The following ADAMTS17 variants were observed in gnomAD, a reference collection of about 807,000 sequenced individuals.
ADAMTS17 encodes ADAM metallopeptidase with thrombospondin type 1 motif 17.
A neutral mutation model predicts 141.5 loss-of-function variants in ADAMTS17; 113 were observed. That is an observed-to-expected ratio of 0.80 (90% CI 0.69 to 0.93). The LOEUF (loss-of-function observed/expected upper bound fraction) is 0.93, where lower values mean the gene tolerates loss of function less well. Ranked by LOEUF, ADAMTS17 falls within the 40% of genes least tolerant of loss-of-function variation. The pLI is 0.00. For synonymous variants in ADAMTS17, 768 were observed against 630.6 expected, an observed-to-expected ratio of 1.22 and a Z score of -3.27; for missense variants, 1,659 against 1,517.9, an observed-to-expected ratio of 1.09 and a Z score of -1.54.
chr15:100,140,519 C>T (rs937455752), intron 10 of ADAMTS17, among the ~76,000 whole-genome samples: 9 of 90,678 alleles, frequency 9.9e-5, no homozygotes, highest in African/African-American at 2.5e-4. Flanking sequence ...CCAGTAAAGA[C>T]GTGTGGAATG....
At chr15:100,131,749 A>T (rs1431139393) in intron 12 of ADAMTS17, among the ~76,000 whole-genome samples, 1 of 152,080 alleles carries the variant, frequency 6.6e-6, no homozygotes, top group East Asian at 1.9e-4. Context: ...AAACCTTTCC[A>T]CTGAGGCCCA....
chr15:100,058,949 G>A (rs974297833), intron 15 of ADAMTS17, among the ~76,000 whole-genome samples: 3 of 152,228 alleles, frequency 2.0e-5, no homozygotes, highest in Non-Finnish European at 2.9e-5. Flanking sequence ...GCGGCAGCCG[G>A]TTCTCTGGGG....
At chr15:100,005,974 C>T (rs1378858637) in intron 18 of ADAMTS17, among the ~76,000 whole-genome samples, 1 of 151,848 alleles carries the variant, frequency 6.6e-6, no homozygotes, top group African/African-American at 2.4e-5. Context: ...AGCCCCAGCC[C>T]CAGCCTGCAT....
At chr15:100,236,932 A>G (rs2042675967) in intron 7 of ADAMTS17, among the ~76,000 whole-genome samples, 1 of 151,996 alleles carries the variant, frequency 6.6e-6, no homozygotes. Flanking sequence ...ACAGGAGGGA[A>G]CTCTACGGCT....
intron 3 of ADAMTS17, among the ~76,000 whole-genome samples, chr15:100,314,487 G>C (rs2045500404): frequency 6.6e-6 from 1 of 152,152 alleles, no homozygotes; most frequent in South Asian, 2.1e-4. Context: ...ACGAAAGAGA[G>C]GGTTGAAAGA....
intron 8 of ADAMTS17, among the ~76,000 whole-genome samples, chr15:100,170,009 G>A (rs1394535257): frequency 6.6e-6 from 1 of 152,018 alleles, no homozygotes; most frequent in African/African-American, 2.4e-5. Flanking sequence ...CATAAGTACA[G>A]GTCCGAGACA....
intron 12 of ADAMTS17, among the ~76,000 whole-genome samples, chr15:100,127,839 C>T (rs889084812): frequency 7.9e-5 from 12 of 152,166 alleles, no homozygotes; most frequent in African/African-American, 2.4e-4. Context: ...GCCTCAGAAT[C>T]CCAAAGTGCT....
intron 15 of ADAMTS17, among the ~76,000 whole-genome samples, chr15:100,060,892 AC>A (rs1165032919): frequency 3.3e-5 from 5 of 152,222 alleles, no homozygotes; most frequent in African/African-American, 1.2e-4. Context: ...CTTCCAAAGC[AC>A]CCAGCCCCGA....
chr15:100,222,491 T>G (rs1164230525), intron 7 of ADAMTS17, among the ~76,000 whole-genome samples: 2 of 152,214 alleles, frequency 1.3e-5, no homozygotes, highest in Non-Finnish European at 2.9e-5. Context: ...AGTGCTGCAC[T>G]GGGAGAACAC....
At chr15:100,025,188 A>G (rs1567688511) in intron 18 of ADAMTS17, among the ~76,000 whole-genome samples, 1 of 152,170 alleles carries the variant, frequency 6.6e-6, no homozygotes, top group East Asian at 1.9e-4. Context: ...ATAAATTAAG[A>G]CTTTTAATGT....
intron 13 of ADAMTS17, among the ~76,000 whole-genome samples, chr15:100,110,614 TGTAA>T (rs1452829167): frequency 6.6e-6 from 1 of 152,182 alleles, no homozygotes; most frequent in Non-Finnish European, 1.5e-5. Context: ...TTTGTTCTTC[TGTAA>T]GTAATTGAGC....
intron 3 of ADAMTS17, among the ~76,000 whole-genome samples, chr15:100,292,357 C>T (rs193282110): frequency 5.3e-4 from 80 of 150,298 alleles, no homozygotes; most frequent in Admixed American, 1.9e-3. Context: ...ACACTCACCC[C>T]GTGTGAAATT....
intron 20 of ADAMTS17, chr15:99,979,901 C>T (rs1243474156): frequency 6.6e-6 from 1 of 152,248 alleles, no homozygotes; most frequent in African/African-American, 2.4e-5. Context: ...AGTCCACTTA[C>T]ATCACTAGAG....
At chr15:100,295,730 C>T (rs901583457) in intron 3 of ADAMTS17, among the ~76,000 whole-genome samples, 1 of 152,190 alleles carries the variant, frequency 6.6e-6, no homozygotes, top group Non-Finnish European at 1.5e-5. Flanking sequence ...ATAACCAATT[C>T]CCTGTGTTAA....
chr15:99,985,399 A>G (rs2060565161), intron 20 of ADAMTS17, among the ~76,000 whole-genome samples: 1 of 152,216 alleles, frequency 6.6e-6, no homozygotes, highest in African/African-American at 2.4e-5. Flanking sequence ...TGATGGTCAA[A>G]TATTCTTCAA....
At chr15:100,086,438 GAGAC>G (rs956087653) in intron 15 of ADAMTS17, among the ~76,000 whole-genome samples, 4 of 151,796 alleles carry the variant, frequency 2.6e-5, no homozygotes, top group African/African-American at 7.3e-5. Context: ...ACAGATCAAC[GAGAC>G]AGACAGTTAA....
chr15:100,030,926 G>T (rs1341862975), intron 18 of ADAMTS17, among the ~76,000 whole-genome samples: 1 of 152,212 alleles, frequency 6.6e-6, no homozygotes, highest in Non-Finnish European at 1.5e-5. Flanking sequence ...CCCACAAAAT[G>T]TTGGGGTCCA....
chr15:100,050,439 G>C (rs2032051553), intron 17 of ADAMTS17, among the ~76,000 whole-genome samples: 1 of 152,182 alleles, frequency 6.6e-6, no homozygotes, highest in South Asian at 2.1e-4. Flanking sequence ...CCCCCGGGGA[G>C]AGGTGCAGAG....
At chr15:100,154,298 G>C (rs2039327916) in intron 9 of ADAMTS17, among the ~76,000 whole-genome samples, 1 of 152,208 alleles carries the variant, frequency 6.6e-6, no homozygotes. Context: ...TACTCAGTGG[G>C]AAGTAGACTA....
Sources: gnomAD v4.1 joint callset for allele counts (sites outside exome capture counted in the v4.1 genomes callset) on GRCh38, gnomAD v4.1.1 for gene constraint, MANE v1.5 for transcripts, NCBI Gene and HGNC (gene_info 2026-07-23, HGNC 2026-07-21) for gene names.